The following CSMD1 variants were observed in gnomAD, a reference collection of about 807,000 sequenced individuals.
CSMD1 encodes the protein CUB and sushi domain-containing protein 1.
In CSMD1, 213 loss-of-function variants were observed where a neutral mutation model predicts 417.5. That is an observed-to-expected ratio of 0.51 (90% CI 0.46 to 0.57). The LOEUF (loss-of-function observed/expected upper bound fraction) is 0.57, where lower values mean the gene tolerates loss of function less well. Ranked by LOEUF, CSMD1 falls within the 20% of genes least tolerant of loss-of-function variation. The pLI is 0.00. For missense variants in CSMD1, 6,923 were observed against 4,529.7 expected (o/e 1.53, Z -15.17); for synonymous variants, 2,862 against 1,736.8 (o/e 1.65, Z -16.11).
rs184872728 is a variant in CSMD1, at chr8:4,658,253, A to T, written c.86-20695T>A. Among the ~76,000 whole-genome samples, 29 of 152,306 alleles carry T rather than the reference A, an allele frequency of 1.9e-4. No individual in the cohort carries two copies. In the East Asian group the frequency reaches 5.4e-3, roughly 28 times the overall value. On this transcript the variant is annotated intron_variant, in intron 1 of 69. Transcript: ENST00000635120. ...AAATCAACACATTCGAGAAACTCAG[A>T]TACGTGTAGGAAGGATAAACTCAAA...
chr8:4,060,006 A>G (rs1020442731), intron 3 of CSMD1, among the ~76,000 whole-genome samples: 1 of 152,158 alleles, frequency 6.6e-6, no homozygotes, highest in African/African-American at 2.4e-5. Context: ...AGAATTTTAG[A>G]CCAATATCCT....
chr8:4,405,822 C>T (rs569304312), intron 3 of CSMD1, among the ~76,000 whole-genome samples: 1 of 152,160 alleles, frequency 6.6e-6, no homozygotes, highest in Non-Finnish European at 1.5e-5. Flanking sequence ...CGGAGCAGTG[C>T]GTGCCTCCAA....
intron 2 of CSMD1, among the ~76,000 whole-genome samples, chr8:4,453,069 G>C (rs575132207): frequency 2.6e-5 from 4 of 152,090 alleles, no homozygotes; most frequent in Admixed American, 1.3e-4. Context: ...ACCATGAATG[G>C]TGATAAGCTC....
chr8:3,512,350 TAC>T (rs1424260737), intron 10 of CSMD1, among the ~76,000 whole-genome samples: 5 of 152,170 alleles, frequency 3.3e-5, no homozygotes, highest in African/African-American at 9.7e-5. Flanking sequence ...TCTCCCCTAA[TAC>T]AGACTTCAGC....
chr8:4,965,283 CTTA>C (rs1809785663), intron 1 of CSMD1, among the ~76,000 whole-genome samples: 1 of 152,172 alleles, frequency 6.6e-6, no homozygotes, highest in South Asian at 2.1e-4. Context: ...TTACTGAGTA[CTTA>C]TTGTGTATCA....
chr8:4,742,185 C>T (rs1810657269), intron 1 of CSMD1, among the ~76,000 whole-genome samples: 2 of 151,140 alleles, frequency 1.3e-5, no homozygotes, highest in South Asian at 4.2e-4. Context: ...CGCCCGCCAC[C>T]ACGCCCGGCT....
intron 3 of CSMD1, among the ~76,000 whole-genome samples, chr8:4,306,922 A>G (rs12546046): frequency 0.13 from 19,236 of 152,104 alleles, 1,298 homozygotes; most frequent in East Asian, 0.27. Context: ...CAAAATCCTC[A>G]GTGTGGGATT....
At chr8:3,336,742 C>A (rs528938725) in intron 23 of CSMD1, among the ~76,000 whole-genome samples, 59 of 152,168 alleles carry the variant, frequency 3.9e-4, no homozygotes, top group Non-Finnish European at 7.3e-4. Context: ...GTTTTCAGAA[C>A]AGATTCAGAG....
At chr8:4,116,467 C>T (rs1563143830) in intron 3 of CSMD1, among the ~76,000 whole-genome samples, 2 of 133,664 alleles carry the variant, frequency 1.5e-5, no homozygotes, top group South Asian at 4.4e-4. Context: ...ATGGAACAAA[C>T]GCGCCATGAA....
chr8:3,695,548 C>G (rs931553472), intron 7 of CSMD1, among the ~76,000 whole-genome samples: 2 of 152,038 alleles, frequency 1.3e-5, no homozygotes, highest in Non-Finnish European at 2.9e-5. Context: ...TTGCTAATTG[C>G]TTTCCACCAA....
At chr8:4,469,621 C>G (rs1454013041) in intron 2 of CSMD1, among the ~76,000 whole-genome samples, 1 of 152,074 alleles carries the variant, frequency 6.6e-6, no homozygotes, top group African/African-American at 2.4e-5. Context: ...TCCTGACATC[C>G]CTAATGTAGC....
chr8:4,021,113 T>G (rs934922438), intron 4 of CSMD1, among the ~76,000 whole-genome samples: 2 of 152,202 alleles, frequency 1.3e-5, no homozygotes, highest in African/African-American at 2.4e-5. Flanking sequence ...AAGTTTAAAG[T>G]TGAGGCTCAA....
At chr8:4,061,266 G>T (rs1309737622) in intron 3 of CSMD1, among the ~76,000 whole-genome samples, 1 of 152,124 alleles carries the variant, frequency 6.6e-6, no homozygotes, top group Admixed American at 6.6e-5. Context: ...CACAGGCATG[G>T]AATATTGACT....
At chr8:3,160,257 G>C (rs1398729891) in intron 38 of CSMD1, among the ~76,000 whole-genome samples, 1 of 151,984 alleles carries the variant, frequency 6.6e-6, no homozygotes, top group South Asian at 2.1e-4. Context: ...CAGGTAACTG[G>C]GACTAAAGGA....
In CSMD1 at chr8:4,051,871, TCC is replaced by T. The variant is rs1491551725; in HGVS notation, c.416-19774_416-19773del. Among the ~76,000 whole-genome samples the T allele has an allele frequency of 9.7e-3, 379 of 38,908 alleles. 3 individuals are homozygous for T. Among genetic ancestry groups the T allele is most frequent in the Non-Finnish European group, 8.6e-3 (159 of 18,528 alleles). The allele number at this position is 38,908 out of a possible 152,430, so 25.5% of individuals were successfully genotyped here. On this transcript the variant is annotated intron_variant, in intron 3 of 69. Coordinates refer to ENST00000635120, the MANE Select transcript of CSMD1 (RefSeq NM_033225.6). The stretch of plus-strand genomic sequence containing the variant: ...TTTCTTTTCTCTTTCTTTCTTTCCT[TCC>T]TCCTTTCTTCCTTCCTTCCTTCCTT...
chr8:4,265,243 T>C (rs1804166890), intron 3 of CSMD1, among the ~76,000 whole-genome samples: 1 of 152,168 alleles, frequency 6.6e-6, no homozygotes, highest in Admixed American at 6.5e-5. Context: ...TTCATATATT[T>C]TATGCTATAT....
At chr8:3,797,329 G>A (rs530900598) in intron 5 of CSMD1, among the ~76,000 whole-genome samples, 3 of 152,018 alleles carry the variant, frequency 2.0e-5, no homozygotes, top group Non-Finnish European at 2.9e-5. Context: ...TTCAATGATT[G>A]TTGACAAACT....
At chr8:4,600,549 A>G (rs770544841) in intron 2 of CSMD1, among the ~76,000 whole-genome samples, 4 of 152,242 alleles carry the variant, frequency 2.6e-5, no homozygotes, top group Admixed American at 2.0e-4. Context: ...ACAGTTGATT[A>G]TAACTATTTC....
At position 4,199,824 on chromosome 8, in the gene CSMD1, A is replaced by G. The variant is rs1471813905; in HGVS notation, c.416-167725T>C. ...CGGATGACTTTTGTAGGTTTCCACT[A>G]GATAACAGCAGCAACAAAACTCTTC... is the stretch of plus-strand genomic sequence containing the variant. On this transcript the variant is annotated intron_variant, in intron 3 of 69. Transcript: ENST00000635120. 3.3e-5 allele frequency among the ~76,000 whole-genome samples: 5 copies of G among 152,176 alleles called. No individual in the cohort carries two copies. In the East Asian group the frequency reaches 9.6e-4, roughly 29 times the overall value.
Sources: allele counts gnomAD v4.1 joint callset (sites outside exome capture counted in the v4.1 genomes callset), GRCh38; gene constraint gnomAD v4.1.1; transcripts MANE v1.5; gene names NCBI Gene and HGNC (gene_info 2026-07-23, HGNC 2026-07-21).